Variants in FAT4 observed in about 807,000 individuals in gnomAD.
FAT4 encodes protocadherin Fat 4.
A neutral mutation model predicts 303.9 loss-of-function variants in FAT4; 84 were observed. The observed-to-expected ratio is 0.28, with a 90% CI of 0.23 to 0.33. The LOEUF (loss-of-function observed/expected upper bound fraction) is 0.33, where lower values mean the gene tolerates loss of function less well. FAT4 is among the 10% of genes least tolerant of loss of function. The pLI, the probability that FAT4 is intolerant of heterozygous loss-of-function variation, is 1.00. For synonymous variants in FAT4, 2,307 were observed against 2,298.8 expected (o/e 1.00, Z -0.10); for missense variants, 6,005 against 6,146.8 (o/e 0.98, Z 0.77).
chr4:125,359,326 A>G (rs1732558202), intron 2 of FAT4, among the ~76,000 whole-genome samples: 1 of 152,218 alleles, frequency 6.6e-6, no homozygotes, highest in Non-Finnish European at 1.5e-5. Flanking sequence ...ATTTTAATGG[A>G]TGTTGTTGTT....
intron 7 of FAT4, among the ~76,000 whole-genome samples, chr4:125,421,892 T>C (rs529051618): frequency 6.6e-6 from 1 of 152,292 alleles, no homozygotes; most frequent in South Asian, 2.1e-4. Context: ...CTCATCCATA[T>C]CATATTTATT....
intron 2 of FAT4, among the ~76,000 whole-genome samples, chr4:125,334,194 T>C (rs1051232883): frequency 6.6e-6 from 1 of 151,982 alleles, no homozygotes; most frequent in Non-Finnish European, 1.5e-5. Flanking sequence ...GATCTTCACA[T>C]CTCCATCAGC....
rs369900313 is a variant in FAT4, at chr4:125,449,585, G to C, written c.8575G>C (p.Asp2859His). 25 of 1,613,634 alleles carry C rather than the reference G, an allele frequency of 1.5e-5. No individual in the cohort carries two copies. The East Asian group carries it at 5.6e-4, about 36-fold the overall frequency. Residue 2859 changes from aspartate (D) to histidine (H), a missense_variant, in exon 10 of 18, where the codon GAT (aspartate) becomes CAT (histidine). Asp to His is a moderately conservative substitution (Grantham distance 81). Transcript: ENST00000394329. ...TGATTCTGGGTGGACTGTAAGTACA[G>C]ATGTCACAATATTTGTGACAGACAT... is the stretch of plus-strand genomic sequence containing the variant. ...AHDSGWTVST[D>H]VTIFVTDIND...
chr4:125,419,307 A>G (rs75425956), intron 7 of FAT4, among the ~76,000 whole-genome samples: 125 of 152,320 alleles, frequency 8.2e-4, no homozygotes, highest in African/African-American at 2.9e-3. Context: ...AGATCATTTC[A>G]CAATTGCTGA....
chr4:125,463,546 A>G lies in FAT4; in HGVS notation c.11801-17A>G, dbSNP rs1056536563. Reference sequence around the variant, plus strand: ...TATGTATGAGATTTAAAAAAAACTGAATTTGATATATTTTAGGGAAAATGT... The same window carrying G: ...TATGTATGAGATTTAAAAAAAACTGGATTTGATATATTTTAGGGAAAATGT... On this transcript the variant is annotated splice_polypyrimidine_tract_variant and intron_variant, in intron 10 of 17. Coordinates refer to ENST00000394329, the MANE Select transcript of FAT4 (RefSeq NM_001291303.3). 2.0e-6 allele frequency: 3 copies of G among 1,495,256 alleles called. No homozygotes were observed. In the African/African-American group the frequency reaches 4.2e-5, roughly 21 times the overall value. The allele number at this position is 1,495,256 out of a possible 1,614,324, so 92.6% of individuals were successfully genotyped here.
At chr4:125,453,478 G>C (rs573075359) in intron 10 of FAT4, among the ~76,000 whole-genome samples, 13 of 152,250 alleles carry the variant, frequency 8.5e-5, no homozygotes, top group Non-Finnish European at 1.5e-4. Context: ...GAAGGCCAAG[G>C]CGGGCAGATC....
At position 125,408,783 on chromosome 4, in the gene FAT4, A is replaced by T. The variant is rs1465223875; in HGVS notation, c.5909A>T (p.Asp1970Val). ...ACTGTTCTTGTGTTTAATGTTACTG[A>T]TGCAGATGATGGTATGTATTTTATT... The part of the protein sequence containing the change: ...GSTVLVFNVT[D>V]ADDGINSQLT... Residue 1970 changes from aspartate (D) to valine (V), a missense_variant, in exon 5 of 18, where the codon GAT becomes GTT. Transcript: ENST00000394329. 2.7e-6 allele frequency: 4 copies of T among 1,479,332 alleles called. No individual in the cohort carries two copies. The highest frequency in any genetic ancestry group is 3.7e-6 in the Non-Finnish European group (4 of 1,093,856). The allele number at this position is 1,479,332 out of a possible 1,614,324, so 91.6% of individuals were successfully genotyped here. A position where few individuals can be genotyped will look rare whatever the true frequency, so the allele number is the denominator to read the frequency against.
chr4:125,467,696 C>T (rs1157322997), intron 11 of FAT4, among the ~76,000 whole-genome samples: 2 of 152,078 alleles, frequency 1.3e-5, no homozygotes, highest in South Asian at 4.2e-4. Flanking sequence ...ACCAATGATT[C>T]CACTTGTCAG....
At chr4:125,480,641 A>G (rs1411299639) in intron 15 of FAT4, among the ~76,000 whole-genome samples, 1 of 152,130 alleles carries the variant, frequency 6.6e-6, no homozygotes, top group Non-Finnish European at 1.5e-5. Flanking sequence ...TTGAGGATAT[A>G]ATATAATCTA....
chr4:125,450,305 A>G lies in FAT4; in HGVS notation c.9295A>G (p.Thr3099Ala), dbSNP rs774158263. ...ATTCTCTCAAAGCCACATGAGTGCA[A>G]CCATCCCTGAGAGCCATAGCATTGG... ...PEFSQSHMSATIPESHSIGSI... is the reference protein window; with the variant it reads ...PEFSQSHMSAAIPESHSIGSI... Residue 3099 changes from threonine to alanine, a missense_variant, in exon 10 of 18, where the codon ACC (threonine) becomes GCC (alanine). By Grantham distance (58) the Thr-to-Ala change is moderately conservative (BLOSUM62 0). Transcript: ENST00000394329. 2.5e-6 allele frequency: 4 copies of G among 1,614,018 alleles called. No individual in the cohort carries two copies. The African/African-American group carries it at 5.3e-5, about 22-fold the overall frequency.
chr4:125,321,553 A>G lies in FAT4; in HGVS notation c.5142A>G (p.Lys1714=). ...LYLVDVYAIE[K]STAFPRTQRA... ...TGGTGGATGTTTATGCCATAGAAAA[A>G]TCAACTGCTTTTCCCAGAACACAGA... Residue 1714 remains lysine, a synonymous_variant, in exon 2 of 18, where the codon AAA becomes AAG. Coordinates refer to ENST00000394329, the MANE Select transcript of FAT4 (RefSeq NM_001291303.3). 6.2e-7 allele frequency: 1 copy of G among 1,612,034 alleles called. No homozygotes were observed. The highest frequency in any genetic ancestry group is 8.5e-7 in the Non-Finnish European group (1 of 1,179,042).
chr4:125,325,608 A>T (rs1456186995), intron 2 of FAT4, among the ~76,000 whole-genome samples: 5 of 152,220 alleles, frequency 3.3e-5, no homozygotes, highest in Non-Finnish European at 7.3e-5. Context: ...AAACCACAAT[A>T]CCTAGGTACA....
intron 2 of FAT4, among the ~76,000 whole-genome samples, chr4:125,381,316 G>T (rs1190121348): frequency 6.6e-6 from 1 of 152,038 alleles, no homozygotes. Context: ...TGATCAGTTT[G>T]GGTAGCTACT....
At chr4:125,364,193 T>A (rs1188562746) in intron 2 of FAT4, among the ~76,000 whole-genome samples, 5 of 152,004 alleles carry the variant, frequency 3.3e-5, no homozygotes, top group Non-Finnish European at 7.4e-5. Flanking sequence ...CTTCCCCTCT[T>A]TCATCCTCCC....
intron 7 of FAT4, among the ~76,000 whole-genome samples, chr4:125,433,654 A>G (rs568958853): frequency 1.4e-4 from 21 of 152,350 alleles, no homozygotes; most frequent in African/African-American, 4.6e-4. Flanking sequence ...AGCAGCACAC[A>G]TGATTCTGAG....
chr4:125,396,926 GTATA>G lies in FAT4; in HGVS notation c.5176-1821_5176-1818del, dbSNP rs66744105. ...CATATATGTATGTGTATGTGTGTGT[GTATA>G]TATATATATATATATATATATATAT... On this transcript the variant is annotated intron_variant, in intron 2 of 17. Transcript: ENST00000394329. Among the ~76,000 whole-genome samples, 475 of 143,840 alleles carry G rather than the reference GTATA, an allele frequency of 3.3e-3. 1 individual carries two copies. Among genetic ancestry groups the G allele is most frequent in the Admixed American group, 7.3e-3 (104 of 14,320 alleles). 94.4% of individuals were successfully genotyped at this position (143,840 alleles called of 152,430 possible).
Position 125,316,333 on chromosome 4 carries a change from T to G in FAT4, c.-12-67T>G. 2.7e-6 allele frequency: 4 copies of G among 1,497,096 alleles called. No individual in the cohort carries two copies. The highest frequency in any genetic ancestry group is 2.7e-6 in the Non-Finnish European group (3 of 1,124,734). The allele number at this position is 1,497,096 out of a possible 1,614,324, so 92.7% of individuals were successfully genotyped here. A position where few individuals can be genotyped will look rare whatever the true frequency, so the allele number is the denominator to read the frequency against. ...CCGTCAGCTGAATCTTTGCTGGCGC[T>G]CCTTAATCCCTGTAAATATCATTGC... On this transcript the variant is annotated intron_variant, in intron 1 of 17. Transcript: ENST00000394329. This position sits in a 1 kb window ranked among gnomAD's most constrained non-coding sequence, Gnocchi z 5.7.
intron 16 of FAT4, among the ~76,000 whole-genome samples, chr4:125,482,445 T>C (rs866754123): frequency 6.6e-6 from 1 of 152,134 alleles, no homozygotes; most frequent in African/African-American, 2.4e-5. Flanking sequence ...CATTTTTGCA[T>C]CGGCCCTTAG....
At chr4:125,438,843 A>G (rs1725548109) in intron 8 of FAT4, among the ~76,000 whole-genome samples, 1 of 152,174 alleles carries the variant, frequency 6.6e-6, no homozygotes, top group African/African-American at 2.4e-5. Flanking sequence ...TCAGATTAAA[A>G]GAGCTATTGG....
Sources: gnomAD v4.1 joint callset for allele counts (sites outside exome capture counted in the v4.1 genomes callset) on GRCh38, gnomAD v4.1.1 for gene constraint, Gnocchi (gnomAD v3.1) non-coding constraint, MANE v1.5 for transcripts, NCBI Gene and HGNC (gene_info 2026-07-23, HGNC 2026-07-21) for gene names.